FBXL7: variants seen among roughly 807,000 people sequenced by gnomAD.
FBXL7 encodes F-box/LRR-repeat protein 7.
A neutral mutation model predicts 38.3 loss-of-function variants in FBXL7; 12 were observed. That is an observed-to-expected ratio of 0.31 (90% confidence interval 0.20 to 0.51). FBXL7 has a LOEUF of 0.51. Among genes scored for constraint, FBXL7 ranks in the 20% least tolerant of loss-of-function variants. The pLI, the probability that FBXL7 is intolerant of heterozygous loss-of-function variation, is 0.98. For missense variants in FBXL7, 567 were observed against 676.4 expected (o/e 0.84, Z 1.79); for synonymous variants, 297 against 300.9 (o/e 0.99, Z 0.13).
At chr5:15,540,734 C>A (rs971040816) in intron 1 of FBXL7, among the ~76,000 whole-genome samples, 1 of 152,080 alleles carries the variant, frequency 6.6e-6, no homozygotes, top group African/African-American at 2.4e-5. Context: ...CTGCTGAGAG[C>A]CCTCTGCCAG....
chr5:15,794,425 TA>T (rs1457084203), intron 2 of FBXL7, among the ~76,000 whole-genome samples: 3 of 152,222 alleles, frequency 2.0e-5, no homozygotes, highest in East Asian at 3.8e-4. Context: ...GTTTTTGTTT[TA>T]AGGCCATCAG....
intron 2 of FBXL7, among the ~76,000 whole-genome samples, chr5:15,856,740 CCTTT>C (rs1739283873): frequency 6.6e-6 from 1 of 151,920 alleles, no homozygotes; most frequent in African/African-American, 2.4e-5. Context: ...TTCCTTCCTT[CCTTT>C]TTTTTCTTTC....
intron 1 of FBXL7, among the ~76,000 whole-genome samples, chr5:15,503,911 TG>T (rs1174659640): frequency 6.6e-6 from 1 of 152,390 alleles, no homozygotes; most frequent in African/African-American, 2.4e-5. Context: ...AATATTCTGT[TG>T]GTAATCTCAT....
chr5:15,631,780 T>TA (rs1741007748), intron 2 of FBXL7, among the ~76,000 whole-genome samples: 1 of 148,848 alleles, frequency 6.7e-6, no homozygotes, highest in African/African-American at 2.5e-5. Context: ...TAGGGTGGGA[T>TA]AAAAAATGGC....
rs199536340 is a variant in FBXL7, at chr5:15,614,982, G to A, written c.38-1001G>A. 1.8e-4 allele frequency among the ~76,000 whole-genome samples: 27 copies of A among 152,186 alleles called. No homozygotes were observed. In the East Asian group the frequency reaches 4.6e-3, roughly 26 times the overall value. On this transcript the variant is annotated intron_variant, in intron 1 of 3. Coordinates refer to ENST00000504595, the MANE Select transcript of FBXL7 (RefSeq NM_012304.5). ...CATCTGCAAAATGCCTTACCTTCAC[G>A]ATAGCCTGTTGGTTAGAGGCCAGTC... is the stretch of plus-strand genomic sequence containing the variant.
intron 2 of FBXL7, among the ~76,000 whole-genome samples, chr5:15,675,008 C>T (rs1274240535): frequency 1.5e-4 from 23 of 152,202 alleles, no homozygotes; most frequent in Non-Finnish European, 4.4e-5. Context: ...GAGTTTCCCC[C>T]AAGACCTCCT....
intron 1 of FBXL7, chr5:15,501,686 A>G (rs1736490049): frequency 4.1e-6 from 4 of 985,348 alleles, no homozygotes; most frequent in Non-Finnish European, 4.8e-6. Context: ...GGAAACTCTT[A>G]TCATCCTGTT....
chr5:15,550,141 AG>A (rs1452954869), intron 1 of FBXL7, among the ~76,000 whole-genome samples: 2 of 152,212 alleles, frequency 1.3e-5, no homozygotes, highest in African/African-American at 2.4e-5. Context: ...TCCACCTCTC[AG>A]GGGTGCACTA....
chr5:15,734,969 T>A (rs996500944), intron 2 of FBXL7, among the ~76,000 whole-genome samples: 2 of 152,202 alleles, frequency 1.3e-5, no homozygotes, highest in African/African-American at 4.8e-5. Context: ...TTTGCTCTTG[T>A]TGCCCCCGCT....
intron 1 of FBXL7, among the ~76,000 whole-genome samples, chr5:15,572,368 A>T (rs1003627801): frequency 6.6e-6 from 1 of 150,620 alleles, no homozygotes; most frequent in Non-Finnish European, 1.5e-5. Context: ...TTTAGCAGAA[A>T]CATCCATCTG....
At position 15,791,071 on chromosome 5, in the gene FBXL7, A is replaced by AGG. The variant is rs70938030; in HGVS notation, c.128-136808_128-136807dup. ...TTGCTAGGTCAGTGAGTTGTGTAAAAGGGGGGGGGGGGTTATTGCATGTAT... is the reference window on the plus strand; with the variant it reads ...TTGCTAGGTCAGTGAGTTGTGTAAAAGGGGGGGGGGGGGGTTATTGCATGTAT... On this transcript the variant is annotated intron_variant, in intron 2 of 3. Coordinates refer to ENST00000504595, the MANE Select transcript of FBXL7 (RefSeq NM_012304.5). Among the ~76,000 whole-genome samples the AGG allele has an allele frequency of 8.9e-3, 915 of 103,302 alleles. 7 individuals carry two copies. Among genetic ancestry groups the AGG allele is most frequent in the East Asian group, 0.025 (74 of 2,982 alleles). 67.8% of individuals were successfully genotyped at this position (103,302 alleles called of 152,430 possible).
At chr5:15,859,555 A>G (rs1435019933) in intron 2 of FBXL7, among the ~76,000 whole-genome samples, 1 of 152,212 alleles carries the variant, frequency 6.6e-6, no homozygotes, top group Non-Finnish European at 1.5e-5. Context: ...ATCATGGCAG[A>G]AGGCAAAAGG....
At chr5:15,801,348 G>A (rs1461448896) in intron 2 of FBXL7, among the ~76,000 whole-genome samples, 1 of 152,164 alleles carries the variant, frequency 6.6e-6, no homozygotes, top group East Asian at 1.9e-4. Context: ...TAGGGCTACT[G>A]TATTTAAAAG....
At chr5:15,557,144 T>C (rs1738267502) in intron 1 of FBXL7, among the ~76,000 whole-genome samples, 1 of 152,200 alleles carries the variant, frequency 6.6e-6, no homozygotes, top group Non-Finnish European at 1.5e-5. Context: ...TTCACCATGT[T>C]AGCCAGGATG....
At chr5:15,509,799 G>A (rs1167114993) in intron 1 of FBXL7, among the ~76,000 whole-genome samples, 1 of 152,196 alleles carries the variant, frequency 6.6e-6, no homozygotes, top group East Asian at 1.9e-4. Flanking sequence ...GTATGCTTTA[G>A]CAAATGGGCG....
At position 15,766,322 on chromosome 5, in the gene FBXL7, G is replaced by C. The variant is rs536013194; in HGVS notation, c.127+150250G>C. ...TACCCACTATATTGAATGTAGTAGT[G>C]CTTTGGTATCTCTGTCTTCCCACCT... On this transcript the variant is annotated intron_variant, in intron 2 of 3. Transcript: ENST00000504595. Among the ~76,000 whole-genome samples, 339 of 152,282 alleles carry C rather than the reference G, an allele frequency of 2.2e-3. 5 individuals carry two copies. The highest frequency in any genetic ancestry group is 2.7e-3 in the Non-Finnish European group (186 of 68,022).
chr5:15,500,588 G>T lies in FBXL7; in HGVS notation c.-89G>T, dbSNP rs1012238192. 5 of 1,581,468 alleles carry T rather than the reference G, an allele frequency of 3.2e-6. No individual in the cohort carries two copies. The highest frequency in any genetic ancestry group is 1.7e-6 in the Non-Finnish European group (2 of 1,150,906). On this transcript the variant is annotated 5_prime_UTR_variant, in exon 1 of 4. Transcript: ENST00000504595. ...GGGGGGATGTGCAGCTAACGGTCCC[G>T]TCGGGCGGGCTTTCCTCGGGCCGAG... is the stretch of plus-strand genomic sequence containing the variant.
chr5:15,622,870 A>T (rs915275956), intron 2 of FBXL7, among the ~76,000 whole-genome samples: 6 of 151,962 alleles, frequency 3.9e-5, no homozygotes, highest in Admixed American at 3.3e-4. Context: ...ATGCCCGGCT[A>T]ATTTTTGTAT....
intron 2 of FBXL7, among the ~76,000 whole-genome samples, chr5:15,914,965 A>G (rs1488822306): frequency 2.0e-5 from 3 of 152,242 alleles, no homozygotes; most frequent in Admixed American, 1.3e-4. Context: ...GTAGCTAAAT[A>G]TTAATAATTC....
Sources: allele counts gnomAD v4.1 joint callset (sites outside exome capture counted in the v4.1 genomes callset), GRCh38; gene constraint gnomAD v4.1.1; transcripts MANE v1.5; gene names NCBI Gene and HGNC (gene_info 2026-07-23, HGNC 2026-07-21).